The following EFHD2 variants were observed in gnomAD, a reference collection of about 807,000 sequenced individuals.
The protein encoded by EFHD2 is EF-hand domain family member D2.
A neutral mutation model predicts 20.3 loss-of-function variants in EFHD2; 12 were observed. That is an observed-to-expected ratio of 0.59 (90% confidence interval 0.38 to 0.96). The LOEUF is 0.96. Ranked by LOEUF, EFHD2 falls within the 40% of genes least tolerant of loss-of-function variation. EFHD2 has a pLI of 0.00. For missense variants in EFHD2, 250 were observed against 334.3 expected (o/e 0.75, Z 1.97); for synonymous variants, 131 against 143.9 (o/e 0.91, Z 0.64).
intron 1 of EFHD2, among the ~76,000 whole-genome samples, chr1:15,416,922 A>G (rs1347789329): frequency 6.6e-6 from 1 of 151,802 alleles, no homozygotes; most frequent in Admixed American, 6.6e-5. Flanking sequence ...TGATCCTCCC[A>G]CCTCAGCCTC....
At chr1:15,422,239 C>G (rs1371952088) in intron 1 of EFHD2, among the ~76,000 whole-genome samples, 3 of 151,780 alleles carry the variant, frequency 2.0e-5, no homozygotes, top group Non-Finnish European at 4.4e-5. Flanking sequence ...ATTACAGGTG[C>G]CTGCCACCAT....
intron 2 of EFHD2, 116 bp from the exon 3 acceptor site, chr1:15,427,034 C>T (rs1201087836): frequency 2.2e-6 from 3 of 1,385,638 alleles, no homozygotes; most frequent in African/African-American, 1.4e-5. Flanking sequence ...CAGCTCACTG[C>T]CCCCCAGTCC....
At chr1:15,415,044 G>A (rs1219673820) in intron 1 of EFHD2, among the ~76,000 whole-genome samples, 3 of 152,160 alleles carry the variant, frequency 2.0e-5, no homozygotes, top group African/African-American at 4.8e-5. Flanking sequence ...TCTTTGTGAC[G>A]AGCCCATCAT....
chr1:15,428,112 GACCCAGGGCCA>G, intron 3 of EFHD2: 1 of 413,334 alleles, frequency 2.4e-6, no homozygotes, highest in Non-Finnish European at 5.0e-6. Context: ...TGAAGTGCCT[GACCCAGGGCCA>G]GAGCTGGTGA....
Position 15,413,787 on chromosome 1 carries a change from TG to T in EFHD2, c.308+3512del, listed in dbSNP as rs1707594294. On this transcript the variant is annotated intron_variant, in intron 1 of 3. Coordinates refer to ENST00000375980, the MANE Select transcript of EFHD2 (RefSeq NM_024329.6). This position sits in a 1 kb window ranked among gnomAD's most constrained non-coding sequence, Gnocchi z 4.4. ...GGAGAGTGGTCCCGGTGTCTCAGGG[TG>T]GGGCTCCGAGGACATGACACACTTA... Among the ~76,000 whole-genome samples, 1 of 152,098 alleles carries T rather than the reference TG, an allele frequency of 6.6e-6. No individual in the cohort carries two copies. Among genetic ancestry groups the T allele is most frequent in the Non-Finnish European group, 1.5e-5 (1 of 68,006 alleles).
chr1:15,410,672 C>T (rs181718774), intron 1 of EFHD2, among the ~76,000 whole-genome samples: 94 of 151,944 alleles, frequency 6.2e-4, no homozygotes, highest in Non-Finnish European at 1.2e-3. Context: ...CACCACCCCA[C>T]ACCGCACACA....
intron 1 of EFHD2, among the ~76,000 whole-genome samples, chr1:15,425,275 C>T (rs1707855883): frequency 6.6e-6 from 1 of 152,042 alleles, no homozygotes; most frequent in South Asian, 2.1e-4. Context: ...CTGTAATCCC[C>T]ATACTTTGGG....
Position 15,427,113 on chromosome 1 carries a change from C to G in EFHD2, c.457-37C>G, listed in dbSNP as rs1038717137. On this transcript the variant is annotated intron_variant, in intron 2 of 3. Transcript: ENST00000375980. ...GGGACTCCGGCTCCCCTCCTTCCCT[C>G]CCTTCCTGACACCGCGCGCCTCCCT... is the stretch of plus-strand genomic sequence containing the variant. The G allele has an allele frequency of 1.9e-6, 3 of 1,603,198 alleles. No individual in the cohort carries two copies. The Admixed American group carries it at 5.0e-5, about 27-fold the overall frequency.
In EFHD2 at chr1:15,428,779, C is replaced by G; in HGVS notation, c.*55C>G. The G allele has an allele frequency of 1.3e-6, 2 of 1,548,716 alleles. No individual in the cohort carries two copies. The highest frequency in any genetic ancestry group is 1.7e-6 in the Non-Finnish European group (2 of 1,146,318). ...GCCCCAGTGTGGTGGGCGAGGGTGG[C>G]GCATGGGAGGCCGAGCCTGAATCCT... On this transcript the variant is annotated 3_prime_UTR_variant, in exon 4 of 4. Transcript: ENST00000375980.
At position 15,428,951 on chromosome 1, in the gene EFHD2, GC is replaced by G. The variant is rs893963735; in HGVS notation, c.*230del. The G allele has an allele frequency of 1.7e-6, 1 of 590,080 alleles. No homozygotes were observed. The highest frequency in any genetic ancestry group is 1.9e-5 in the African/African-American group (1 of 53,070). 36.6% of individuals were successfully genotyped at this position (590,080 alleles called of 1,614,324 possible). A position where few individuals can be genotyped will look rare whatever the true frequency, so the allele number is the denominator to read the frequency against. Reference sequence around the variant, plus strand: ...CACACCGGCGCTGGCTCCCTGCCCGGCCCGGCCCTCCCTGGCAATCCCTGGG... The same window carrying G: ...CACACCGGCGCTGGCTCCCTGCCCGGCCGGCCCTCCCTGGCAATCCCTGGG... On this transcript the variant is annotated 3_prime_UTR_variant, in exon 4 of 4. Transcript: ENST00000375980.
Position 15,411,441 on chromosome 1 carries a change from C to T in EFHD2, c.308+1162C>T, listed in dbSNP as rs182927975. On this transcript the variant is annotated intron_variant, in intron 1 of 3. Transcript: ENST00000375980. ...GGCTAGGGAGAGAGGGCCCAGCTCC[C>T]TCCGGCCCATCCCTGGGTCCCACTC... Among the ~76,000 whole-genome samples the T allele has an allele frequency of 2.4e-4, 37 of 152,286 alleles. 1 individual carries two copies. Among genetic ancestry groups the T allele is most frequent in the Admixed American group, 5.2e-4 (8 of 15,306 alleles).
chr1:15,413,138 C>T lies in EFHD2; in HGVS notation c.308+2859C>T, dbSNP rs1029249072. On this transcript the variant is annotated intron_variant, in intron 1 of 3. Transcript: ENST00000375980. The surrounding 1 kb of genome is among the most constrained non-coding windows in gnomAD (Gnocchi z 4.4). The stretch of plus-strand genomic sequence containing the variant: ...GCTGTCCGAGTGGGGCTGCAGCCTC[C>T]TGGGTCCAAGCAGGGTCCTAGGATC... 2.0e-5 allele frequency among the ~76,000 whole-genome samples: 3 copies of T among 152,190 alleles called. No individual in the cohort carries two copies. The highest frequency in any genetic ancestry group is 1.3e-4 in the Admixed American group (2 of 15,284).
In EFHD2 at chr1:15,409,943, C is replaced by G. The variant is rs923150453; in HGVS notation, c.-29C>G. 1 of 1,221,800 alleles carries G rather than the reference C, an allele frequency of 8.2e-7. No individual in the cohort carries two copies. Among genetic ancestry groups the G allele is most frequent in the African/African-American group, 1.6e-5 (1 of 63,038 alleles). 75.7% of individuals were successfully genotyped at this position (1,221,800 alleles called of 1,614,324 possible). On this transcript the variant is annotated 5_prime_UTR_variant, in exon 1 of 4. Coordinates refer to ENST00000375980, the MANE Select transcript of EFHD2 (RefSeq NM_024329.6). The stretch of plus-strand genomic sequence containing the variant: ...CGGCGCTGCGCTGAGAGCAGGGGCC[C>G]GGCCAAGGCGAGTGCCGCGCGGGCC...
At position 15,410,268 on chromosome 1, in the gene EFHD2, G is replaced by A. The variant is rs767208840; in HGVS notation, c.297G>A (p.Lys99=). The change falls in exon 1 of 4, where the codon AAG becomes AAA. Residue 99 remains lysine (K), a synonymous_variant. Transcript: ENST00000375980. ...FSRKQIKDME[K]MFKQYDAGRD... ...GGAAGCAGATCAAGGACATGGAGAAGATGTTCAAGCAGTAAGTGCCCGCGC... is the reference window on the plus strand; with the variant it reads ...GGAAGCAGATCAAGGACATGGAGAAAATGTTCAAGCAGTAAGTGCCCGCGC... The A allele has an allele frequency of 5.0e-6, 8 of 1,598,080 alleles. No homozygotes were observed. In the East Asian group the frequency reaches 1.6e-4, roughly 33 times the overall value.
chr1:15,423,943 A>G lies in EFHD2; in HGVS notation c.309-1928A>G, dbSNP rs60766255. 6.6e-3 allele frequency among the ~76,000 whole-genome samples: 1,001 copies of G among 151,920 alleles called. 9 individuals are homozygous for G. Among genetic ancestry groups the G allele is most frequent in the African/African-American group, 0.022 (923 of 41,436 alleles). On this transcript the variant is annotated intron_variant, in intron 1 of 3. Transcript: ENST00000375980. ...AGTGGTGCACGCCTGTAATTCCAGC[A>G]CTCTGGGAGGCTGATGTAGGAGGAT... is the stretch of plus-strand genomic sequence containing the variant.
At chr1:15,417,893 T>A (rs1707704872) in intron 1 of EFHD2, among the ~76,000 whole-genome samples, 1 of 152,064 alleles carries the variant, frequency 6.6e-6, no homozygotes, top group Non-Finnish European at 1.5e-5. Context: ...CCGTGTGCAG[T>A]TTTTGCAATG....
At chr1:15,417,988 T>TA (rs1707708664) in intron 1 of EFHD2, among the ~76,000 whole-genome samples, 1 of 137,292 alleles carries the variant, frequency 7.3e-6, no homozygotes, top group African/African-American at 2.7e-5. Flanking sequence ...TTTCTTTTTT[T>TA]TTTTTTTTTT....
Position 15,429,195 on chromosome 1 carries a change from A to G in EFHD2, c.*471A>G. 5.6e-6 allele frequency: 1 copy of G among 177,594 alleles called. No individual in the cohort carries two copies. The highest frequency in any genetic ancestry group is 1.1e-4 in the South Asian group (1 of 8,730). The allele number at this position is 177,594 out of a possible 1,614,324, so 11.0% of individuals were successfully genotyped here. A position where few individuals can be genotyped will look rare whatever the true frequency, so the allele number is the denominator to read the frequency against. ...GCTGGGAGACGGCAGAAGAGATAGA[A>G]TCAGGGCTGCCCCCACAGAGTGGGA... On this transcript the variant is annotated 3_prime_UTR_variant, in exon 4 of 4. Coordinates refer to ENST00000375980, the MANE Select transcript of EFHD2 (RefSeq NM_024329.6).
At chr1:15,425,738 G>A in intron 1 of EFHD2, 133 bp from the exon 2 acceptor site, 1 of 1,288,900 alleles carries the variant, frequency 7.8e-7, no homozygotes, top group Non-Finnish European at 1.1e-6. Flanking sequence ...CCTGGACTGA[G>A]GTCCCTTCCA....
Sources: allele counts gnomAD v4.1 joint callset (sites outside exome capture counted in the v4.1 genomes callset), GRCh38; gene constraint gnomAD v4.1.1; non-coding constraint Gnocchi (gnomAD v3.1); transcripts MANE v1.5; gene names NCBI Gene and HGNC (gene_info 2026-07-23, HGNC 2026-07-21).